The following CEMIP variants were observed in gnomAD, a reference collection of about 807,000 sequenced individuals.
CEMIP encodes the protein cell migration-inducing and hyaluronan-binding protein.
A neutral mutation model predicts 156.9 loss-of-function variants in CEMIP; 105 were observed. That is an observed-to-expected ratio of 0.67 (90% CI 0.57 to 0.79). CEMIP has a LOEUF of 0.79. Ranked by LOEUF, CEMIP falls within the 30% of genes least tolerant of loss-of-function variation. The pLI is 0.00. For missense variants in CEMIP, 1,457 were observed against 1,769.4 expected, an observed-to-expected ratio of 0.82 and a Z score of 3.17; for synonymous variants, 676 against 668.4, an observed-to-expected ratio of 1.01 and a Z score of -0.17.
At chr15:80,823,271 C>T (rs529960122) in intron 1 of CEMIP, among the ~76,000 whole-genome samples, 1 of 152,296 alleles carries the variant, frequency 6.6e-6, no homozygotes, top group African/African-American at 2.4e-5. Context: ...GAGCTAAACA[C>T]AAGTCGTTCC....
At chr15:80,810,767 A>G (rs912226787) in intron 1 of CEMIP, among the ~76,000 whole-genome samples, 1 of 151,780 alleles carries the variant, frequency 6.6e-6, no homozygotes, top group Non-Finnish European at 1.5e-5. Context: ...CATCTACCAA[A>G]TCACCCACAG....
At chr15:80,881,178 A>C in intron 6 of CEMIP, 42 bp downstream of exon 6, 1 of 1,550,552 alleles carries the variant, frequency 6.4e-7, no homozygotes, top group Non-Finnish European at 8.9e-7. Flanking sequence ...ATTCATTCAA[A>C]GTACACTTAT....
intron 19 of CEMIP, among the ~76,000 whole-genome samples, chr15:80,926,836 CTT>C (rs796068914): frequency 9.4e-6 from 1 of 106,758 alleles, no homozygotes; most frequent in Non-Finnish European, 1.7e-5. Flanking sequence ...GGGGGGTCTT[CTT>C]TTTTTTTTTT....
chr15:80,863,050 C>A (rs1898027255), intron 1 of CEMIP, among the ~76,000 whole-genome samples: 1 of 152,190 alleles, frequency 6.6e-6, no homozygotes, highest in Non-Finnish European at 1.5e-5. Context: ...GAGGGGCAGG[C>A]TGGCCTTGGA....
At chr15:80,779,904 A>G (rs1370827069) in intron 1 of CEMIP, among the ~76,000 whole-genome samples, 1 of 152,142 alleles carries the variant, frequency 6.6e-6, no homozygotes, top group African/African-American at 2.4e-5. Flanking sequence ...CCCAGAGGGC[A>G]TCCAGAGGGG....
At chr15:80,948,160 C>T (rs1018017567) in intron 29 of CEMIP, 33 of 158,270 alleles carry the variant, frequency 2.1e-4, no homozygotes, top group African/African-American at 7.4e-4. Context: ...GGCACTTTCC[C>T]GGTGGTGATA....
intron 18 of CEMIP, among the ~76,000 whole-genome samples, 162 bp downstream of exon 18, chr15:80,924,868 A>G (rs1279370966): frequency 6.6e-6 from 1 of 152,208 alleles, no homozygotes; most frequent in African/African-American, 2.4e-5. Context: ...AAACCTGAGC[A>G]GGGTAAAGTC....
chr15:80,907,863 T>A (rs1362565738), intron 13 of CEMIP, among the ~76,000 whole-genome samples: 1 of 152,244 alleles, frequency 6.6e-6, no homozygotes, highest in Non-Finnish European at 1.5e-5. Flanking sequence ...CTCAGAGTTT[T>A]GCTAAGACAG....
intron 1 of CEMIP, among the ~76,000 whole-genome samples, chr15:80,829,965 G>GTGTGT: frequency 7.5e-6 from 1 of 133,792 alleles, no homozygotes; most frequent in South Asian, 2.4e-4. Context: ...GGAGGTAGCG[G>GTGTGT]GTGTGTGTGT....
At chr15:80,920,369 G>C in intron 15 of CEMIP, 70 bp downstream of exon 15, 2 of 1,399,580 alleles carry the variant, frequency 1.4e-6, no homozygotes, top group Non-Finnish European at 2.0e-6. Context: ...TGTTCACTCA[G>C]CTCAGCCCAG....
At chr15:80,875,577 A>G (rs1221002509) in intron 3 of CEMIP, among the ~76,000 whole-genome samples, 2 of 151,998 alleles carry the variant, frequency 1.3e-5, no homozygotes, top group African/African-American at 2.4e-5. Flanking sequence ...CTGTTTGCCT[A>G]TCAGCTATGT....
chr15:80,791,987 TC>T (rs970002072), intron 1 of CEMIP, among the ~76,000 whole-genome samples: 5 of 152,194 alleles, frequency 3.3e-5, no homozygotes, highest in African/African-American at 9.7e-5. Flanking sequence ...TGGGTGACCT[TC>T]CGTAGTCCTC....
chr15:80,866,056 A>G (rs527499181), intron 1 of CEMIP, among the ~76,000 whole-genome samples: 1 of 152,288 alleles, frequency 6.6e-6, no homozygotes, highest in African/African-American at 2.4e-5. Context: ...TCCCAGCTGC[A>G]ATTGGCAAAG....
At chr15:80,800,275 G>A (rs868174548) in intron 1 of CEMIP, among the ~76,000 whole-genome samples, 9 of 152,018 alleles carry the variant, frequency 5.9e-5, no homozygotes, top group South Asian at 2.1e-4. Context: ...CATGTGAGTC[G>A]TATGGTGGGG....
At chr15:80,834,651 A>G (rs1897230790) in intron 1 of CEMIP, among the ~76,000 whole-genome samples, 1 of 152,176 alleles carries the variant, frequency 6.6e-6, no homozygotes. Context: ...TAACAATACT[A>G]CGCTGTCTTA....
At position 80,799,722 on chromosome 15, in the gene CEMIP, G is replaced by A. The variant is rs1317668774; in HGVS notation, c.-176+20108G>A. ...AAAGAAAATGTATATATATGCAATG[G>A]AATATTATTCAGCCACAAAAAATAA... On this transcript the variant is annotated intron_variant, in intron 1 of 29. Coordinates refer to ENST00000394685, the MANE Select transcript of CEMIP (RefSeq NM_001293298.2). Among the ~76,000 whole-genome samples, 3 of 152,164 alleles carry A rather than the reference G, an allele frequency of 2.0e-5. No homozygotes were observed. The East Asian group carries it at 5.8e-4, about 29-fold the overall frequency.
intron 21 of CEMIP, among the ~76,000 whole-genome samples, chr15:80,931,457 A>G (rs1222792877): frequency 6.6e-6 from 1 of 152,192 alleles, no homozygotes; most frequent in Non-Finnish European, 1.5e-5. Flanking sequence ...GGCACGCTCC[A>G]GTGGTATTTA....
Position 80,932,067 on chromosome 15 carries a change from G to C in CEMIP, c.2793+28G>C, listed in dbSNP as rs749560126. On this transcript the variant is annotated intron_variant, in intron 22 of 29. Coordinates refer to ENST00000394685, the MANE Select transcript of CEMIP (RefSeq NM_001293298.2). The surrounding 1 kb of genome is among the most constrained non-coding windows in gnomAD (Gnocchi z 4.5). ...GAGTGAGGCGCCAGGGCAGACTCCC[G>C]GCAAACCCAGACTTTGGATGGTGAT... 2 of 1,608,986 alleles carry C rather than the reference G, an allele frequency of 1.2e-6. No homozygotes were observed. The highest frequency in any genetic ancestry group is 4.5e-5 in the East Asian group (2 of 44,870).
At chr15:80,801,158 A>G (rs1771847856) in intron 1 of CEMIP, among the ~76,000 whole-genome samples, 1 of 152,142 alleles carries the variant, frequency 6.6e-6, no homozygotes, top group African/African-American at 2.4e-5. Flanking sequence ...TCCTTCTCCA[A>G]TGTATCAGTA....
Sources: allele counts gnomAD v4.1 joint callset (sites outside exome capture counted in the v4.1 genomes callset), GRCh38; gene constraint gnomAD v4.1.1; non-coding constraint Gnocchi (gnomAD v3.1); transcripts MANE v1.5; gene names NCBI Gene and HGNC (gene_info 2026-07-23, HGNC 2026-07-21).